The following SRGAP3 variants were observed in gnomAD, a reference collection of about 807,000 sequenced individuals.
SRGAP3 encodes SLIT-ROBO Rho GTPase-activating protein 3.
In SRGAP3, 39 loss-of-function variants were observed where a neutral mutation model predicts 121.1. The observed-to-expected ratio is 0.32, with a 90% CI of 0.25 to 0.42. The LOEUF is 0.42. Among genes scored for constraint, SRGAP3 ranks in the 10% least tolerant of loss-of-function variants. The probability of loss-of-function intolerance (pLI) is 1.00; values close to 1 mark genes in which losing one functional copy is unlikely to be tolerated. For missense variants in SRGAP3, 1,213 were observed against 1,470.6 expected, an observed-to-expected ratio of 0.82 and a Z score of 2.86; for synonymous variants, 601 against 570.0, an observed-to-expected ratio of 1.05 and a Z score of -0.77.
chr3:9,199,602 C>G (rs745805192), intron 1 of SRGAP3, among the ~76,000 whole-genome samples: 3 of 152,104 alleles, frequency 2.0e-5, no homozygotes, highest in African/African-American at 4.8e-5. Flanking sequence ...ATAGGTTCTG[C>G]TTTTGTTTGT....
intron 1 of SRGAP3, chr3:9,348,479 G>A (rs577445816): frequency 1.5e-5 from 11 of 715,884 alleles, no homozygotes; most frequent in Admixed American, 3.6e-5. Context: ...CCAGCATGGC[G>A]AGAGCATGTG....
At chr3:9,256,715 A>T (rs1357806995) in intron 3 of SRGAP3, 1 of 397,254 alleles carries the variant, frequency 2.5e-6, no homozygotes, top group Non-Finnish European at 4.4e-6. Flanking sequence ...CTGATTGGTG[A>T]ATTTGAGAGA....
rs150672916 is a variant in SRGAP3, at chr3:9,108,719, G to A, written c.261-3877C>T. 5.3e-5 allele frequency among the ~76,000 whole-genome samples: 8 copies of A among 152,326 alleles called. No homozygotes were observed. In the East Asian group the frequency reaches 1.5e-3, roughly 29 times the overall value. ...ATGTGTTTTGGCATGATCATGGAAG[G>A]CAGATTGGAGGATGAAGGGATGGAT... On this transcript the variant is annotated intron_variant, in intron 2 of 21. Transcript: ENST00000383836.
At chr3:9,208,264 C>T (rs1328641785) in intron 1 of SRGAP3, among the ~76,000 whole-genome samples, 1 of 152,032 alleles carries the variant, frequency 6.6e-6, no homozygotes, top group Non-Finnish European at 1.5e-5. Context: ...TAGCCAACCC[C>T]CCTACAGCAT....
chr3:9,052,939 C>A (rs1175215381), intron 9 of SRGAP3, 88 bp downstream of exon 9: 20 of 1,506,192 alleles, frequency 1.3e-5, no homozygotes, highest in Non-Finnish European at 1.8e-5. Flanking sequence ...TGTGGTTTCT[C>A]TGGTTCTCAG....
At chr3:9,244,692 G>C (rs1374661471) in intron 1 of SRGAP3, among the ~76,000 whole-genome samples, 1 of 152,174 alleles carries the variant, frequency 6.6e-6, no homozygotes, top group African/African-American at 2.4e-5. Context: ...ATTTTCAAAA[G>C]GGGAAAAATG....
chr3:9,200,259 T>G (rs1952031499), intron 1 of SRGAP3, among the ~76,000 whole-genome samples: 1 of 152,234 alleles, frequency 6.6e-6, no homozygotes, highest in South Asian at 2.1e-4. Context: ...AAACTAAAAT[T>G]GTTTCATTTG....
chr3:9,356,674 A>G (rs1346155226), intron 1 of SRGAP3, among the ~76,000 whole-genome samples: 1 of 151,590 alleles, frequency 6.6e-6, no homozygotes, highest in Non-Finnish European at 1.5e-5. Context: ...CGCTCAGCCA[A>G]TTTTTGTATT....
chr3:9,062,661 T>C (rs1392304628), intron 5 of SRGAP3, among the ~76,000 whole-genome samples: 2 of 152,238 alleles, frequency 1.3e-5, no homozygotes, highest in Non-Finnish European at 2.9e-5. Context: ...TCATTTAGCA[T>C]ACTGTTTTCA....
chr3:9,058,376 C>T lies in SRGAP3; in HGVS notation c.898G>A (p.Asp300Asn), dbSNP rs777078285. Residue 300 changes from aspartate to asparagine, a missense_variant, in exon 7 of 22, where the codon GAT becomes AAT. Around this residue, in one of 2 missense-constraint regions of SRGAP3, gnomAD observed 793 missense variants for 1,032.9 expected, o/e 0.77. Coordinates refer to ENST00000383836, the MANE Select transcript of SRGAP3 (RefSeq NM_014850.4). ...NLETSRHEGL[D>N]VIENAVDNLD... Reference sequence around the variant, plus strand: ...TTGTCCACTGCATTCTCAATGACATCCAGCCCTTCGTGGCGAGAGGTCTCC... The same window carrying T: ...TTGTCCACTGCATTCTCAATGACATTCAGCCCTTCGTGGCGAGAGGTCTCC... 1.2e-6 allele frequency: 2 copies of T among 1,614,112 alleles called. No individual in the cohort carries two copies. The highest frequency in any genetic ancestry group is 1.7e-6 in the Non-Finnish European group (2 of 1,180,046).
intron 10 of SRGAP3, among the ~76,000 whole-genome samples, chr3:9,043,329 T>A (rs1945108432): frequency 6.6e-6 from 1 of 152,130 alleles, no homozygotes; most frequent in African/African-American, 2.4e-5. Context: ...ATTATCATTG[T>A]TTACTTAGTA....
At chr3:9,016,048 T>A in intron 14 of SRGAP3, 1 of 395,924 alleles carries the variant, frequency 2.5e-6, no homozygotes, top group South Asian at 2.5e-5. Context: ...CTATTTGAGA[T>A]TATTTTGTAG....
At chr3:9,084,042 T>C (rs192913367) in intron 3 of SRGAP3, among the ~76,000 whole-genome samples, 16 of 152,216 alleles carry the variant, frequency 1.1e-4, no homozygotes, top group African/African-American at 2.7e-4. Flanking sequence ...GTCAATGCGA[T>C]AGTATCTTCC....
At position 9,056,219 on chromosome 3, in the gene SRGAP3, A is replaced by T. The variant is rs1479978199; in HGVS notation, c.1125+14T>A. ...CCAAAGAAAATCCCTTATAGGGCAG[A>T]GGGGCTCACTCACCTCCTCATTCTC... On this transcript the variant is annotated intron_variant, in intron 8 of 21. Coordinates refer to ENST00000383836, the MANE Select transcript of SRGAP3 (RefSeq NM_014850.4). The T allele has an allele frequency of 1.9e-6, 3 of 1,613,684 alleles. No homozygotes were observed. The highest frequency in any genetic ancestry group is 2.5e-6 in the Non-Finnish European group (3 of 1,179,726).
At chr3:9,047,318 C>T in intron 10 of SRGAP3, 73 bp downstream of exon 10, 3 of 1,496,612 alleles carry the variant, frequency 2.0e-6, no homozygotes, top group Non-Finnish European at 2.8e-6. Context: ...AACAGCTCAA[C>T]ACGTCAGGGG....
intron 4 of SRGAP3, among the ~76,000 whole-genome samples, chr3:9,073,320 T>C (rs773444655): frequency 5.3e-5 from 8 of 152,160 alleles, no homozygotes; most frequent in Non-Finnish European, 1.2e-4. Flanking sequence ...ATTTTTTGTA[T>C]TTTTTGTAGA....
intron 3 of SRGAP3, among the ~76,000 whole-genome samples, chr3:9,299,770 C>G (rs1001728430): frequency 6.6e-6 from 1 of 152,036 alleles, no homozygotes; most frequent in African/African-American, 2.4e-5. Context: ...ATTAGCCAGG[C>G]ATGGTGGCAC....
At position 9,124,921 on chromosome 3, in the gene SRGAP3, C is replaced by T. The variant is rs563228048; in HGVS notation, c.68-4G>A. 68 of 1,613,964 alleles carry T rather than the reference C, an allele frequency of 4.2e-5. No homozygotes were observed. In the South Asian group the frequency reaches 6.5e-4, roughly 15 times the overall value. ...TCCACCAGCTGCGTGCGGATCTCTG[C>T]GGGCACACAAGGGTAGGAGCATGAG... On this transcript the variant is annotated splice_polypyrimidine_tract_variant and splice_region_variant and intron_variant, in intron 1 of 21. Transcript: ENST00000383836.
chr3:9,246,234 AC>A (rs1378707725), intron 1 of SRGAP3, among the ~76,000 whole-genome samples: 1 of 152,238 alleles, frequency 6.6e-6, no homozygotes, highest in Non-Finnish European at 1.5e-5. Flanking sequence ...AGTTCCCTTC[AC>A]AAAATTCACA....
Sources: allele counts gnomAD v4.1 joint callset (sites outside exome capture counted in the v4.1 genomes callset), GRCh38; gene constraint gnomAD v4.1.1; regional missense constraint gnomAD v4.1.1; transcripts MANE v1.5; gene names NCBI Gene and HGNC (gene_info 2026-07-23, HGNC 2026-07-21).